SEMA3A: variants seen among roughly 807,000 people sequenced by gnomAD.
SEMA3A encodes the protein semaphorin-3A.
SEMA3A carries 29 observed loss-of-function variants against 97.9 expected under a neutral mutation model. That is an observed-to-expected ratio of 0.30 (90% CI 0.22 to 0.40). The LOEUF (loss-of-function observed/expected upper bound fraction) is 0.40. Among genes scored for constraint, SEMA3A ranks in the 10% least tolerant of loss-of-function variants. SEMA3A has a pLI of 1.00. For synonymous variants in SEMA3A, 321 were observed against 323.7 expected, an observed-to-expected ratio of 0.99 and a Z score of 0.09; for missense variants, 763 against 951.3, an observed-to-expected ratio of 0.80 and a Z score of 2.60.
intron 14 of SEMA3A, among the ~76,000 whole-genome samples, chr7:83,978,381 G>A (rs937630624): frequency 1.3e-5 from 2 of 152,102 alleles, no homozygotes; most frequent in Admixed American, 6.6e-5. Flanking sequence ...TTTTGCTAAT[G>A]GTTGCCTGGG....
At chr7:84,223,942 A>C (rs1217420667) in intron 3 of SEMA3A, among the ~76,000 whole-genome samples, 2 of 151,918 alleles carry the variant, frequency 1.3e-5, no homozygotes, top group Non-Finnish European at 2.9e-5. Context: ...ATCTTGCCAA[A>C]AGCAAGGACC....
Position 84,179,023 on chromosome 7 carries a change from C to G in SEMA3A, c.112+15452G>C, listed in dbSNP as rs534649324. On this transcript the variant is annotated intron_variant, in intron 1 of 16. Coordinates refer to ENST00000265362, the MANE Select transcript of SEMA3A (RefSeq NM_006080.3). ...TCTTTTCACATAAAGACTTTCCTGA[C>G]TTCTTGACCCACTGTGATATCAAAT... Among the ~76,000 whole-genome samples, 46 of 152,100 alleles carry G rather than the reference C, an allele frequency of 3.0e-4. 1 individual carries two copies. Among genetic ancestry groups the G allele is most frequent in the African/African-American group, 1.1e-3 (45 of 41,516 alleles).
At chr7:84,297,248 A>G (rs1333724317) in intron 3 of SEMA3A, among the ~76,000 whole-genome samples, 2 of 152,136 alleles carry the variant, frequency 1.3e-5, no homozygotes, top group African/African-American at 2.4e-5. Flanking sequence ...AAGTTCTGGG[A>G]TTACAGGTGT....
intron 12 of SEMA3A, among the ~76,000 whole-genome samples, chr7:83,992,569 C>G (rs7786257): frequency 0.75 from 114,224 of 151,430 alleles, 43,275 homozygotes; most frequent in East Asian, 0.89. Flanking sequence ...CCTTCATTTC[C>G]TTATGTACCC....
In SEMA3A at chr7:84,110,603, G is replaced by T. The variant is rs2115940874; in HGVS notation, c.334-14C>A. On this transcript the variant is annotated splice_polypyrimidine_tract_variant and intron_variant, in intron 3 of 16. Transcript: ENST00000265362. ...AGCACATTCTTTCTGTAAGACAAAA[G>T]GAAAACCAAAGAGTTTCAGCAATCA... The T allele has an allele frequency of 6.2e-7, 1 of 1,613,128 alleles. No homozygotes were observed. Among genetic ancestry groups the T allele is most frequent in the Non-Finnish European group, 8.5e-7 (1 of 1,179,460 alleles).
chr7:83,968,034 C>T (rs1272633025), intron 15 of SEMA3A, among the ~76,000 whole-genome samples: 1 of 152,078 alleles, frequency 6.6e-6, no homozygotes, highest in Non-Finnish European at 1.5e-5. Flanking sequence ...TTTATTAAAG[C>T]AAACAGCCGT....
At chr7:84,433,363 G>T (rs1006098188) in intron 1 of SEMA3A, among the ~76,000 whole-genome samples, 26 of 151,952 alleles carry the variant, frequency 1.7e-4, no homozygotes, top group African/African-American at 6.3e-4. Context: ...TGCTGAGAAT[G>T]ATGGTTTCCA....
At chr7:84,303,926 A>G (rs1004439001) in intron 3 of SEMA3A, among the ~76,000 whole-genome samples, 3 of 152,156 alleles carry the variant, frequency 2.0e-5, no homozygotes, top group Non-Finnish European at 4.4e-5. Context: ...ATGTAACCCC[A>G]TTGTAAGTTT....
At chr7:84,155,900 A>G (rs1796831817) in intron 1 of SEMA3A, among the ~76,000 whole-genome samples, 1 of 152,126 alleles carries the variant, frequency 6.6e-6, no homozygotes. Flanking sequence ...TGATAGATTT[A>G]TGACAGACCT....
intron 1 of SEMA3A, among the ~76,000 whole-genome samples, chr7:84,171,657 C>T (rs1177576129): frequency 6.6e-6 from 1 of 151,862 alleles, no homozygotes; most frequent in Non-Finnish European, 1.5e-5. Flanking sequence ...AACAGTTTAG[C>T]TGTAGTTTCA....
chr7:84,155,114 G>T (rs543364839), intron 1 of SEMA3A, among the ~76,000 whole-genome samples: 2 of 152,102 alleles, frequency 1.3e-5, no homozygotes, highest in South Asian at 4.1e-4. Context: ...GTTTTTCATG[G>T]ACTAAGTCGA....
intron 1 of SEMA3A, among the ~76,000 whole-genome samples, chr7:84,436,865 T>C (rs1805145129): frequency 6.6e-6 from 1 of 152,166 alleles, no homozygotes; most frequent in Non-Finnish European, 1.5e-5. Flanking sequence ...ACTTATCCTA[T>C]GTTTCCTGAA....
chr7:84,078,207 G>T (rs898644003), intron 4 of SEMA3A, among the ~76,000 whole-genome samples: 1 of 151,914 alleles, frequency 6.6e-6, no homozygotes, highest in Non-Finnish European at 1.5e-5. Flanking sequence ...ATCCCATTAT[G>T]TAAGTCCTTA....
chr7:84,318,203 T>C (rs1801557830), intron 2 of SEMA3A, among the ~76,000 whole-genome samples: 1 of 151,944 alleles, frequency 6.6e-6, no homozygotes, highest in African/African-American at 2.4e-5. Context: ...ACCAAATTGA[T>C]AATCACCAAC....
intron 3 of SEMA3A, among the ~76,000 whole-genome samples, chr7:84,117,744 A>G (rs1459057913): frequency 6.6e-6 from 1 of 152,186 alleles, no homozygotes; most frequent in East Asian, 1.9e-4. Context: ...CCCCGGTGCC[A>G]AAAAGATTGG....
At chr7:84,294,362 T>G (rs190602390) in intron 3 of SEMA3A, among the ~76,000 whole-genome samples, 1 of 152,190 alleles carries the variant, frequency 6.6e-6, no homozygotes, top group African/African-American at 2.4e-5. Flanking sequence ...GGCAGTTTCC[T>G]ACTAGTAAGC....
chr7:84,239,389 T>C (rs2116375515), intron 3 of SEMA3A, among the ~76,000 whole-genome samples: 1 of 152,278 alleles, frequency 6.6e-6, no homozygotes, highest in East Asian at 1.9e-4. Context: ...AAATACTCTG[T>C]AAGTAATCCA....
intron 1 of SEMA3A, among the ~76,000 whole-genome samples, chr7:84,138,517 G>C (rs745665323): frequency 6.6e-6 from 1 of 152,130 alleles, no homozygotes; most frequent in South Asian, 2.1e-4. Context: ...CAGAATTACT[G>C]TTTCCTACGT....
chr7:84,193,788 A>G (rs1798124010), intron 1 of SEMA3A, among the ~76,000 whole-genome samples: 1 of 152,174 alleles, frequency 6.6e-6, no homozygotes, highest in African/African-American at 2.4e-5. Flanking sequence ...AGAAGTTTAC[A>G]CAACTACCTA....
Sources: allele counts gnomAD v4.1 joint callset (sites outside exome capture counted in the v4.1 genomes callset), GRCh38; gene constraint gnomAD v4.1.1; transcripts MANE v1.5; gene names NCBI Gene and HGNC (gene_info 2026-07-23, HGNC 2026-07-21).